Variants in LRRC4C observed in about 807,000 individuals in gnomAD.
The protein encoded by LRRC4C is leucine rich repeat containing 4C, also known as leucine-rich repeat-containing protein 4C.
In LRRC4C, 5 loss-of-function variants were observed where a neutral mutation model predicts 33.6. That is an observed-to-expected ratio of 0.15 (90% CI 0.08 to 0.31). The LOEUF is 0.31. LRRC4C is among the 10% of genes least tolerant of loss of function. The pLI is 1.00. For synonymous variants in LRRC4C, 329 were observed against 302.0 expected (o/e 1.09, Z -0.93); for missense variants, 560 against 796.7 (o/e 0.70, Z 3.58).
chr11:40,624,498 C>T (rs537628169), intron 3 of LRRC4C, among the ~76,000 whole-genome samples: 1 of 152,206 alleles, frequency 6.6e-6, no homozygotes, highest in African/African-American at 2.4e-5. Context: ...TTGATAGATA[C>T]CAAGTCAGTC....
chr11:41,413,033 ACTTTTTTTTCTTTTCTT>A (rs1326035408), intron 1 of LRRC4C, among the ~76,000 whole-genome samples: 5 of 147,224 alleles, frequency 3.4e-5, no homozygotes, highest in African/African-American at 2.7e-5. Context: ...TATTTTTCTT[ACTTTTTTTTCTTTTCTT>A]CTTTTTTTTC....
intron 3 of LRRC4C, among the ~76,000 whole-genome samples, chr11:40,500,291 TATACACACACACAC>T (rs1323589900): frequency 0.032 from 1,987 of 62,676 alleles, 60 homozygotes; most frequent in African/African-American, 0.11. Flanking sequence ...TATATATATA[TATACACACACACAC>T]ACACACACAC....
chr11:40,830,807 A>G (rs1374466657), intron 2 of LRRC4C, among the ~76,000 whole-genome samples: 15 of 152,106 alleles, frequency 9.9e-5, no homozygotes, highest in Non-Finnish European at 1.8e-4. Flanking sequence ...GGAATGCAAT[A>G]AAAAGAATTG....
chr11:41,031,186 G>T (rs960694449), intron 1 of LRRC4C, among the ~76,000 whole-genome samples: 1 of 151,934 alleles, frequency 6.6e-6, no homozygotes. Flanking sequence ...TTTGTACAGT[G>T]TGGCTGAAAA....
In LRRC4C at chr11:41,262,503, C is replaced by T. The variant is rs1055960233; in HGVS notation, c.-496+196928G>A. 3.3e-5 allele frequency among the ~76,000 whole-genome samples: 5 copies of T among 151,858 alleles called. No individual in the cohort carries two copies. In the South Asian group the frequency reaches 6.2e-4, roughly 19 times the overall value. ...ATGATGAGTTGAACAAAATTGAGGG[C>T]TTCTCTTTCTTGGAGTCCTGCACGG... On this transcript the variant is annotated intron_variant, in intron 1 of 6. Transcript: ENST00000528697.
intron 1 of LRRC4C, among the ~76,000 whole-genome samples, chr11:41,375,948 G>A (rs765361942): frequency 5.5e-4 from 84 of 151,860 alleles, no homozygotes; most frequent in Non-Finnish European, 1.6e-4. Flanking sequence ...ATGATGGATA[G>A]GGAAGTTCAG....
chr11:41,370,406 C>T (rs1281035476), intron 1 of LRRC4C, among the ~76,000 whole-genome samples: 3 of 152,094 alleles, frequency 2.0e-5, no homozygotes, highest in Admixed American at 1.3e-4. Context: ...TCCCATAATT[C>T]CCATTTGTTG....
At chr11:40,485,574 A>G (rs1291908268) in intron 3 of LRRC4C, among the ~76,000 whole-genome samples, 1 of 152,026 alleles carries the variant, frequency 6.6e-6, no homozygotes, top group Non-Finnish European at 1.5e-5. Context: ...ACAGGGTACC[A>G]AAGAATCACC....
At chr11:40,907,806 G>A (rs568970668) in intron 2 of LRRC4C, among the ~76,000 whole-genome samples, 1 of 152,298 alleles carries the variant, frequency 6.6e-6, no homozygotes, top group South Asian at 2.1e-4. Flanking sequence ...GCTTCTCTAA[G>A]TCGCTTAAAA....
At chr11:41,364,419 T>C (rs901794005) in intron 1 of LRRC4C, among the ~76,000 whole-genome samples, 7 of 152,024 alleles carry the variant, frequency 4.6e-5, no homozygotes, top group Admixed American at 4.6e-4. Context: ...GCTAGGATTA[T>C]AGGCACGCAC....
At chr11:41,081,533 G>T (rs1230165531) in intron 1 of LRRC4C, among the ~76,000 whole-genome samples, 1 of 152,010 alleles carries the variant, frequency 6.6e-6, no homozygotes, top group African/African-American at 2.4e-5. Context: ...TTCTCTTTCA[G>T]CAGGTCCCAT....
intron 2 of LRRC4C, among the ~76,000 whole-genome samples, chr11:40,671,646 AGTGTGTGTGTGTGTGTGT>A (rs145275244): frequency 7.1e-6 from 1 of 140,516 alleles, no homozygotes; most frequent in African/African-American, 2.6e-5. Flanking sequence ...GTCCTTATTC[AGTGTGTGTGTGTGTGTGT>A]GTGTGTGTGT....
intron 1 of LRRC4C, among the ~76,000 whole-genome samples, chr11:41,370,664 T>C (rs1952713909): frequency 6.6e-6 from 1 of 152,122 alleles, no homozygotes; most frequent in Admixed American, 6.6e-5. Context: ...CAGTCTTGGG[T>C]ATGTCTTTAT....
chr11:40,191,136 C>A (rs957940551), intron 5 of LRRC4C, among the ~76,000 whole-genome samples: 1 of 152,156 alleles, frequency 6.6e-6, no homozygotes, highest in Non-Finnish European at 1.5e-5. Context: ...GAAACAGGAG[C>A]TCAGGAAAAT....
intron 2 of LRRC4C, among the ~76,000 whole-genome samples, chr11:40,914,460 C>G (rs1956849740): frequency 6.6e-6 from 1 of 152,152 alleles, no homozygotes; most frequent in Non-Finnish European, 1.5e-5. Context: ...ATGATTATCT[C>G]AATAGGTGCA....
chr11:41,196,262 T>A (rs1471415814), intron 1 of LRRC4C, among the ~76,000 whole-genome samples: 6 of 152,078 alleles, frequency 3.9e-5, no homozygotes, highest in Non-Finnish European at 8.8e-5. Flanking sequence ...GGCTGGCCAC[T>A]CACTTTTGAG....
chr11:40,905,755 C>T (rs979698696), intron 2 of LRRC4C, among the ~76,000 whole-genome samples: 1 of 152,158 alleles, frequency 6.6e-6, no homozygotes, highest in Non-Finnish European at 1.5e-5. Flanking sequence ...CAAGAGCTGT[C>T]TGCACATTTT....
chr11:40,882,108 T>A (rs1955208155), intron 2 of LRRC4C, among the ~76,000 whole-genome samples: 1 of 152,038 alleles, frequency 6.6e-6, no homozygotes, highest in Non-Finnish European at 1.5e-5. Flanking sequence ...TATAAATGAG[T>A]ATTGGGAATG....
At chr11:41,201,823 T>A (rs1946408465) in intron 1 of LRRC4C, among the ~76,000 whole-genome samples, 1 of 152,198 alleles carries the variant, frequency 6.6e-6, no homozygotes, top group African/African-American at 2.4e-5. Flanking sequence ...ATTGGTTATG[T>A]TTGCTTACAT....
Sources: gnomAD v4.1 joint callset for allele counts (sites outside exome capture counted in the v4.1 genomes callset) on GRCh38, gnomAD v4.1.1 for gene constraint, MANE v1.5 for transcripts, NCBI Gene and HGNC (gene_info 2026-07-23, HGNC 2026-07-21) for gene names.